The following GLB1L2 variants were observed in gnomAD, a reference collection of about 807,000 sequenced individuals.
GLB1L2 encodes the protein beta-galactosidase-1-like protein 2.
GLB1L2 carries 68 observed loss-of-function variants against 84.1 expected under a neutral mutation model. That is an observed-to-expected ratio of 0.81 (90% CI 0.67 to 0.99). The LOEUF is 0.99. GLB1L2 is among the 50% of genes least tolerant of loss of function. The pLI is 0.00. For missense variants in GLB1L2, 762 were observed against 805.6 expected, an observed-to-expected ratio of 0.95 and a Z score of 0.66; for synonymous variants, 290 against 318.0, an observed-to-expected ratio of 0.91 and a Z score of 0.94.
In GLB1L2 at chr11:134,339,835, T is replaced by G. The variant is rs1943437254; in HGVS notation, c.87-2919T>G. Among the ~76,000 whole-genome samples the G allele has an allele frequency of 6.6e-6, 1 of 152,170 alleles. No individual in the cohort carries two copies. The highest frequency in any genetic ancestry group is 1.5e-5 in the Non-Finnish European group (1 of 68,028). On this transcript the variant is annotated intron_variant, in intron 1 of 18. Coordinates refer to ENST00000535456, the MANE Select transcript of GLB1L2 (RefSeq NM_001370461.1). The surrounding 1 kb of genome is among the most constrained non-coding windows in gnomAD (Gnocchi z 5.7). ...TTCTGACAAGCTGCGGATGAAGACC[T>G]GGAAATCTGGTTGGTGGATAGAAGT...
At chr11:134,366,159 A>G (rs1943865569) in intron 8 of GLB1L2, among the ~76,000 whole-genome samples, 1 of 152,126 alleles carries the variant, frequency 6.6e-6, no homozygotes, top group African/African-American at 2.4e-5. Flanking sequence ...GGTACCCTCA[A>G]GCCAACAACC....
At chr11:134,349,985 C>T (rs2136271997) in intron 5 of GLB1L2, among the ~76,000 whole-genome samples, 1 of 152,268 alleles carries the variant, frequency 6.6e-6, no homozygotes, top group South Asian at 2.1e-4. Context: ...TGAGCTGGAT[C>T]CAAGATGCAA....
chr11:134,370,410 T>C lies in GLB1L2; in HGVS notation c.1215+11T>C, dbSNP rs935281942. The C allele has an allele frequency of 1.9e-6, 3 of 1,598,820 alleles. No homozygotes were observed. The highest frequency in any genetic ancestry group is 1.7e-5 in the Admixed American group (1 of 59,918). On this transcript the variant is annotated intron_variant, in intron 12 of 18. Coordinates refer to ENST00000535456, the MANE Select transcript of GLB1L2 (RefSeq NM_001370461.1). This position sits in a 1 kb window ranked among gnomAD's most constrained non-coding sequence, Gnocchi z 4.7. Reference sequence around the variant, plus strand: ...AAGTACCTGGGGGAGGTGAGTGCTGTGGGCAGTCATCGGGAGGTGAGTGAG... The same window carrying C: ...AAGTACCTGGGGGAGGTGAGTGCTGCGGGCAGTCATCGGGAGGTGAGTGAG...
At chr11:134,356,682 A>C (rs1177169959) in intron 6 of GLB1L2, among the ~76,000 whole-genome samples, 2 of 152,208 alleles carry the variant, frequency 1.3e-5, no homozygotes, top group Admixed American at 6.5e-5. Flanking sequence ...AGGCGGCTCC[A>C]ATTCTAAAGT....
intron 15 of GLB1L2, 102 bp downstream of exon 15, chr11:134,371,932 C>A: frequency 8.7e-7 from 1 of 1,146,694 alleles, no homozygotes; most frequent in Non-Finnish European, 1.3e-6. Context: ...AGGCCTCTTG[C>A]AGGGAGGTGG....
At chr11:134,353,907 C>T (rs1943668179) in intron 5 of GLB1L2, among the ~76,000 whole-genome samples, 1 of 152,184 alleles carries the variant, frequency 6.6e-6, no homozygotes, top group Admixed American at 6.5e-5. Context: ...CCTTTCACTT[C>T]CAACCAATAA....
intron 5 of GLB1L2, among the ~76,000 whole-genome samples, chr11:134,349,752 C>T (rs980879263): frequency 1.3e-5 from 2 of 152,124 alleles, no homozygotes; most frequent in African/African-American, 4.8e-5. Flanking sequence ...TTATTCAAGT[C>T]TTCTGCTCAT....
At chr11:134,335,966 C>T (rs1354005241) in intron 1 of GLB1L2, among the ~76,000 whole-genome samples, 1 of 152,174 alleles carries the variant, frequency 6.6e-6, no homozygotes, top group Non-Finnish European at 1.5e-5. Flanking sequence ...TTTGCTGCTT[C>T]CTCTCCACTC....
In GLB1L2 at chr11:134,368,690, C is replaced by T; in HGVS notation, c.936C>T (p.Ile312=). 1 of 1,614,026 alleles carries T rather than the reference C, an allele frequency of 6.2e-7. No homozygotes were observed. The highest frequency in any genetic ancestry group is 1.7e-5 in the Admixed American group (1 of 60,028). ...CCATTGTGGACGCCGGCTCCTCCATCAACCTCTACATGTTCCACGGAGGCA... is the reference window on the plus strand; with the variant it reads ...CCATTGTGGACGCCGGCTCCTCCATTAACCTCTACATGTTCCACGGAGGCA... ...VSAIVDAGSS[I]NLYMFHGGTN... The change falls in exon 10 of 19, where the codon ATC becomes ATT. Residue 312 remains isoleucine (I), a synonymous_variant. Coordinates refer to ENST00000535456, the MANE Select transcript of GLB1L2 (RefSeq NM_001370461.1).
intron 4 of GLB1L2, among the ~76,000 whole-genome samples, chr11:134,345,802 A>T (rs1202286609): frequency 6.6e-6 from 1 of 152,176 alleles, no homozygotes; most frequent in Non-Finnish European, 1.5e-5. Flanking sequence ...GTTACCAAGC[A>T]TATTTTGAAA....
intron 1 of GLB1L2, among the ~76,000 whole-genome samples, chr11:134,332,376 C>T (rs1419371171): frequency 6.6e-6 from 1 of 152,074 alleles, no homozygotes; most frequent in Non-Finnish European, 1.5e-5. Flanking sequence ...CCCTCGGGAG[C>T]CGGCGTCTGT....
chr11:134,371,076 CG>C lies in GLB1L2; in HGVS notation c.1287del (p.Tyr430ThrfsTer26). 6.2e-7 allele frequency: 1 copy of C among 1,614,126 alleles called. No individual in the cohort carries two copies. Among genetic ancestry groups the C allele is most frequent in the Middle Eastern group, 1.6e-4 (1 of 6,062 alleles). ...TCAATGGGGGAAATGGACAGTCCTTCGGGTACATTCTCTATGAGACCAGCAT... is the reference window on the plus strand; with the variant it reads ...TCAATGGGGGAAATGGACAGTCCTTCGGTACATTCTCTATGAGACCAGCAT... Reference protein sequence around the residue: ...PVNGGNGQSFGYILYETSITS... With the variant: ...PVNGGNGQSFXYILYETSITS... On this transcript the variant is annotated frameshift_variant, in exon 13 of 19. Transcript: ENST00000535456. LOFTEE classifies it high-confidence loss of function.
chr11:134,351,610 G>A (rs1943635443), intron 5 of GLB1L2, among the ~76,000 whole-genome samples: 1 of 152,136 alleles, frequency 6.6e-6, no homozygotes, highest in South Asian at 2.1e-4. Flanking sequence ...CTCCCAAAGT[G>A]CTGGGATTAT....
intron 9 of GLB1L2, among the ~76,000 whole-genome samples, chr11:134,367,950 G>A (rs1008690070): frequency 5.9e-5 from 9 of 152,300 alleles, no homozygotes; most frequent in African/African-American, 1.7e-4. Context: ...TGCGCTCTGC[G>A]CACCCGGCTT....
intron 5 of GLB1L2, among the ~76,000 whole-genome samples, chr11:134,354,405 A>G (rs1333070415): frequency 6.6e-6 from 1 of 152,086 alleles, no homozygotes; most frequent in Non-Finnish European, 1.5e-5. Flanking sequence ...TAGAAAATAA[A>G]AAGCCACATT....
At chr11:134,336,460 A>C (rs1041806134) in intron 1 of GLB1L2, among the ~76,000 whole-genome samples, 2 of 152,176 alleles carry the variant, frequency 1.3e-5, no homozygotes, top group African/African-American at 4.8e-5. Flanking sequence ...TTAGACACAT[A>C]ATTTATTTAA....
chr11:134,352,154 T>C (rs866191658), intron 5 of GLB1L2, among the ~76,000 whole-genome samples: 7 of 152,308 alleles, frequency 4.6e-5, no homozygotes, highest in Middle Eastern at 3.4e-3. Flanking sequence ...TTTATATTTC[T>C]TCATGATTTA....
intron 7 of GLB1L2, chr11:134,360,647 C>T (rs1241466402): frequency 6.6e-6 from 1 of 151,838 alleles, no homozygotes; most frequent in Non-Finnish European, 1.5e-5. Flanking sequence ...CCACCTGCTG[C>T]CCGGAATAAC....
intron 4 of GLB1L2, among the ~76,000 whole-genome samples, chr11:134,345,829 TA>T (rs1290342929): frequency 2.0e-5 from 3 of 152,206 alleles, no homozygotes; most frequent in Non-Finnish European, 4.4e-5. Flanking sequence ...AGTATTTTGA[TA>T]AAGTATAAGA....
Sources: gnomAD v4.1 joint callset for allele counts (sites outside exome capture counted in the v4.1 genomes callset) on GRCh38, gnomAD v4.1.1 for gene constraint, Gnocchi (gnomAD v3.1) non-coding constraint, MANE v1.5 for transcripts, NCBI Gene and HGNC (gene_info 2026-07-23, HGNC 2026-07-21) for gene names.